Variants in MAGI2 observed in about 807,000 individuals in gnomAD.
MAGI2 encodes membrane associated guanylate kinase, WW and PDZ domain containing 2, also known as membrane-associated guanylate kinase, WW and PDZ domain-containing protein 2.
In MAGI2, 35 loss-of-function variants were observed where a neutral mutation model predicts 133.3. The ratio of observed to expected loss-of-function variants is 0.26; its 90% CI spans 0.20 to 0.35. The LOEUF is 0.35. MAGI2 is among the 10% of genes least tolerant of loss of function. The pLI, the probability that MAGI2 is intolerant of heterozygous loss-of-function variation, is 1.00. For synonymous variants in MAGI2, 729 were observed against 710.6 expected, an observed-to-expected ratio of 1.03 and a Z score of -0.41; for missense variants, 1,636 against 1,863.4, an observed-to-expected ratio of 0.88 and a Z score of 2.25.
intron 1 of MAGI2, among the ~76,000 whole-genome samples, chr7:79,446,258 T>C (rs1243580839): frequency 2.0e-5 from 3 of 152,132 alleles, no homozygotes; most frequent in Admixed American, 6.5e-5. Flanking sequence ...ATAGCACATG[T>C]ATACATATGT....
chr7:78,938,155 A>G (rs1053534212), intron 2 of MAGI2, among the ~76,000 whole-genome samples: 16 of 152,102 alleles, frequency 1.1e-4, no homozygotes, highest in Non-Finnish European at 2.1e-4. Flanking sequence ...AAAAGAATAA[A>G]ATTTACATAT....
intron 2 of MAGI2, among the ~76,000 whole-genome samples, chr7:78,903,184 T>A: frequency 3.0e-5 from 1 of 33,436 alleles, no homozygotes; most frequent in Non-Finnish European, 7.1e-5. Context: ...TTTTTTTTTT[T>A]TTTTTTTTTT....
chr7:78,362,466 A>C (rs1181300093), intron 7 of MAGI2, among the ~76,000 whole-genome samples: 4 of 152,158 alleles, frequency 2.6e-5, no homozygotes, highest in African/African-American at 9.7e-5. Flanking sequence ...ACTATGAACT[A>C]TCAGAAAAGT....
At chr7:78,128,683 G>T (rs566479564) in intron 18 of MAGI2, among the ~76,000 whole-genome samples, 1 of 152,156 alleles carries the variant, frequency 6.6e-6, no homozygotes, top group Admixed American at 6.5e-5. Flanking sequence ...TATTTGGCAA[G>T]GTCACACTGA....
At chr7:78,100,425 A>G (rs1426555238) in intron 20 of MAGI2, among the ~76,000 whole-genome samples, 2 of 152,148 alleles carry the variant, frequency 1.3e-5, no homozygotes, top group African/African-American at 4.8e-5. Context: ...GAACATGCTC[A>G]CTGCAGCCTT....
chr7:78,874,440 T>A (rs1795263911), intron 2 of MAGI2, among the ~76,000 whole-genome samples: 1 of 152,288 alleles, frequency 6.6e-6, no homozygotes, highest in Admixed American at 6.5e-5. Flanking sequence ...GAATGAAATG[T>A]CCTGTGAACC....
chr7:78,102,921 C>CG (rs946039951), intron 20 of MAGI2, among the ~76,000 whole-genome samples: 5 of 152,138 alleles, frequency 3.3e-5, no homozygotes, highest in Non-Finnish European at 1.5e-5. Flanking sequence ...CATACCTACC[C>CG]GGGGGGATTC....
chr7:78,384,881 G>T (rs1394056216), intron 6 of MAGI2, among the ~76,000 whole-genome samples: 1 of 152,080 alleles, frequency 6.6e-6, no homozygotes, highest in East Asian at 1.9e-4. Context: ...CACAAACCTA[G>T]GGCTGCTCAC....
chr7:78,689,682 C>CTTTT (rs200333526), intron 2 of MAGI2, among the ~76,000 whole-genome samples: 70 of 92,014 alleles, frequency 7.6e-4, no homozygotes, highest in Non-Finnish European at 9.0e-4. Flanking sequence ...TTGGATCTGG[C>CTTTT]TTTTTTTTTT....
intron 6 of MAGI2, among the ~76,000 whole-genome samples, chr7:78,390,619 C>T (rs1795812391): frequency 7.1e-6 from 1 of 141,032 alleles, no homozygotes; most frequent in Non-Finnish European, 1.5e-5. Context: ...CAATCTTTAC[C>T]TGACAATTCT....
At chr7:78,231,411 TC>T (rs1789957502) in intron 10 of MAGI2, among the ~76,000 whole-genome samples, 2 of 152,236 alleles carry the variant, frequency 1.3e-5, no homozygotes, top group Non-Finnish European at 2.9e-5. Context: ...GCCCCTGCGC[TC>T]TAAATGCCAG....
chr7:79,185,100 G>A (rs1456718283), intron 1 of MAGI2, among the ~76,000 whole-genome samples: 1 of 151,830 alleles, frequency 6.6e-6, no homozygotes, highest in East Asian at 1.9e-4. Flanking sequence ...AGTACTCTGA[G>A]TGGATACTAT....
At chr7:79,033,805 G>A (rs1454722400) in intron 1 of MAGI2, among the ~76,000 whole-genome samples, 1 of 152,162 alleles carries the variant, frequency 6.6e-6, no homozygotes, top group Non-Finnish European at 1.5e-5. Context: ...GTTCAATCCA[G>A]TGGTAGTGGG....
At chr7:78,328,214 A>G (rs1249524342) in intron 9 of MAGI2, among the ~76,000 whole-genome samples, 1 of 151,848 alleles carries the variant, frequency 6.6e-6, no homozygotes, top group Non-Finnish European at 1.5e-5. Flanking sequence ...TGACCTTTGC[A>G]TTTTGTTAAA....
intron 2 of MAGI2, among the ~76,000 whole-genome samples, chr7:78,829,108 GT>G (rs1160920334): frequency 6.6e-6 from 1 of 152,004 alleles, no homozygotes; most frequent in Non-Finnish European, 1.5e-5. Flanking sequence ...CTGACATGAT[GT>G]TTTTGATAGC....
At chr7:79,149,734 T>G (rs1562941814) in intron 1 of MAGI2, among the ~76,000 whole-genome samples, 1 of 152,082 alleles carries the variant, frequency 6.6e-6, no homozygotes, top group Non-Finnish European at 1.5e-5. Flanking sequence ...TGGCAGGAAT[T>G]TAGGGTCATT....
intron 1 of MAGI2, among the ~76,000 whole-genome samples, chr7:79,055,281 A>C (rs1028191592): frequency 1.9e-4 from 22 of 118,306 alleles, no homozygotes; most frequent in Non-Finnish European, 6.6e-5. Context: ...TTGTAAGGGC[A>C]TGCCTTTTTT....
chr7:79,061,029 A>T (rs1329051355), intron 1 of MAGI2, among the ~76,000 whole-genome samples: 1 of 152,146 alleles, frequency 6.6e-6, no homozygotes, highest in Admixed American at 6.6e-5. Flanking sequence ...TATAGCAAAT[A>T]TACTGTTGAC....
At chr7:78,598,947 C>T (rs1353556579) in intron 3 of MAGI2, among the ~76,000 whole-genome samples, 2 of 152,042 alleles carry the variant, frequency 1.3e-5, no homozygotes, top group Admixed American at 6.6e-5. Context: ...ATCAAACAGA[C>T]GTGTCAGGAA....
Sources: gnomAD v4.1 joint callset for allele counts (sites outside exome capture counted in the v4.1 genomes callset) on GRCh38, gnomAD v4.1.1 for gene constraint, MANE v1.5 for transcripts, NCBI Gene and HGNC (gene_info 2026-07-23, HGNC 2026-07-21) for gene names.